NPAS2: variants seen among roughly 807,000 people sequenced by gnomAD.
NPAS2 encodes neuronal PAS domain-containing protein 2.
A neutral mutation model predicts 107.5 loss-of-function variants in NPAS2; 23 were observed. The ratio of observed to expected loss-of-function variants is 0.21; its 90% CI spans 0.15 to 0.30. The LOEUF is 0.30. Among genes scored for constraint, NPAS2 ranks in the 10% least tolerant of loss-of-function variants. NPAS2 has a pLI of 1.00. For missense variants in NPAS2, 756 were observed against 1,043.3 expected, an observed-to-expected ratio of 0.72 and a Z score of 3.79; for synonymous variants, 403 against 417.5, an observed-to-expected ratio of 0.97 and a Z score of 0.42.
chr2:100,910,676 C>A (rs1246208568), intron 2 of NPAS2, among the ~76,000 whole-genome samples: 2 of 152,028 alleles, frequency 1.3e-5, no homozygotes, highest in African/African-American at 4.8e-5. Context: ...TTACAGGCGT[C>A]CACCACCATG....
intron 5 of NPAS2, among the ~76,000 whole-genome samples, chr2:100,944,913 C>T (rs1000380910): frequency 2.6e-5 from 4 of 152,162 alleles, no homozygotes; most frequent in African/African-American, 9.7e-5. Flanking sequence ...CCACACCCAC[C>T]GTCAGGGGAA....
chr2:100,952,229 T>A (rs1295953289), intron 7 of NPAS2, among the ~76,000 whole-genome samples: 1 of 151,348 alleles, frequency 6.6e-6, no homozygotes, highest in African/African-American at 2.4e-5. Flanking sequence ...AGTGGCCTCG[T>A]GCACAGAGGG....
intron 1 of NPAS2, among the ~76,000 whole-genome samples, chr2:100,897,528 G>A (rs973518014): frequency 3.9e-4 from 59 of 152,180 alleles, no homozygotes; most frequent in East Asian, 1.4e-3. Flanking sequence ...AGCAATCACC[G>A]GGCTGGCCTC....
rs139016370 is a variant in NPAS2, at chr2:100,822,962, G to C, written c.-23+2548G>C. Among the ~76,000 whole-genome samples the C allele has an allele frequency of 4.1e-3, 623 of 152,300 alleles. 8 individuals are homozygous for C. The highest frequency in any genetic ancestry group is 0.014 in the African/African-American group (588 of 41,572). On this transcript the variant is annotated intron_variant, in intron 1 of 20. Coordinates refer to ENST00000335681, the MANE Select transcript of NPAS2 (RefSeq NM_002518.4). The stretch of plus-strand genomic sequence containing the variant: ...GCATTATTTGCTTACAGAAGTGTCT[G>C]ATTAGCATGTTCCTGATCCTCGTTC...
chr2:100,891,091 G>A (rs1323529667), intron 1 of NPAS2, among the ~76,000 whole-genome samples: 1 of 152,138 alleles, frequency 6.6e-6, no homozygotes, highest in African/African-American at 2.4e-5. Flanking sequence ...AATTAGCCGG[G>A]CGTGGTGGCA....
chr2:100,885,317 A>C (rs957886020), intron 1 of NPAS2, among the ~76,000 whole-genome samples: 1 of 152,252 alleles, frequency 6.6e-6, no homozygotes, highest in African/African-American at 2.4e-5. Context: ...TCCAGAAAAC[A>C]GAAAAATTTT....
intron 1 of NPAS2, among the ~76,000 whole-genome samples, chr2:100,840,786 C>T (rs1193038785): frequency 2.6e-5 from 4 of 151,804 alleles, no homozygotes; most frequent in South Asian, 2.1e-4. Flanking sequence ...GTCACATGTG[C>T]GAAGGGAAAG....
chr2:100,963,297 G>A (rs1401515376), intron 7 of NPAS2, among the ~76,000 whole-genome samples: 2 of 152,256 alleles, frequency 1.3e-5, no homozygotes, highest in East Asian at 1.9e-4. Flanking sequence ...GGGACCATCA[G>A]TATCAGGAAC....
chr2:100,825,659 C>T (rs1186473098), intron 1 of NPAS2, among the ~76,000 whole-genome samples: 1 of 152,210 alleles, frequency 6.6e-6, no homozygotes, highest in Non-Finnish European at 1.5e-5. Context: ...CTGCCCTTGC[C>T]AGTGACTGGC....
intron 1 of NPAS2, among the ~76,000 whole-genome samples, chr2:100,850,700 C>G (rs1440303840): frequency 6.6e-6 from 1 of 151,990 alleles, no homozygotes; most frequent in South Asian, 2.1e-4. Flanking sequence ...TGCCTGTAAT[C>G]CCAGCACTTT....
chr2:100,920,930 G>A (rs1170260366), intron 2 of NPAS2, among the ~76,000 whole-genome samples: 3 of 152,252 alleles, frequency 2.0e-5, no homozygotes, highest in African/African-American at 4.8e-5. Flanking sequence ...AGCGAAGGTC[G>A]CAGTCTTCCC....
intron 4 of NPAS2, among the ~76,000 whole-genome samples, chr2:100,936,857 C>T (rs367957255): frequency 8.2e-4 from 125 of 151,830 alleles, no homozygotes; most frequent in African/African-American, 2.9e-3. Context: ...TGGCATGTGC[C>T]TGTAATCCCA....
At chr2:100,848,703 A>G (rs1001364019) in intron 1 of NPAS2, among the ~76,000 whole-genome samples, 1 of 152,258 alleles carries the variant, frequency 6.6e-6, no homozygotes, top group African/African-American at 2.4e-5. Flanking sequence ...CTGGAAATGC[A>G]TAAAGAGGAC....
chr2:100,916,476 G>C (rs1407092218), intron 2 of NPAS2, among the ~76,000 whole-genome samples: 1 of 152,112 alleles, frequency 6.6e-6, no homozygotes, highest in East Asian at 1.9e-4. Flanking sequence ...AAATGAAATA[G>C]ATTTCAGAGC....
chr2:100,937,287 A>C (rs912638193), intron 4 of NPAS2, among the ~76,000 whole-genome samples: 3 of 152,218 alleles, frequency 2.0e-5, no homozygotes, highest in African/African-American at 7.2e-5. Context: ...CTTGGCCAAC[A>C]GGCACACTTT....
chr2:100,947,624 G>A (rs1410581595), intron 5 of NPAS2, among the ~76,000 whole-genome samples: 1 of 152,002 alleles, frequency 6.6e-6, no homozygotes, highest in East Asian at 1.9e-4. Context: ...CAGTAACCAT[G>A]TGGCTAGTGG....
chr2:100,883,208 G>GA (rs1385814099), intron 1 of NPAS2, among the ~76,000 whole-genome samples: 2 of 152,182 alleles, frequency 1.3e-5, no homozygotes, highest in Admixed American at 6.5e-5. Flanking sequence ...GATTATCTTT[G>GA]AACTGACCCC....
At chr2:100,877,921 A>G (rs897509361) in intron 1 of NPAS2, 2 of 964,564 alleles carry the variant, frequency 2.1e-6, no homozygotes, top group African/African-American at 3.5e-5. Context: ...AAATGAAATT[A>G]TCAAACAGTA....
At chr2:100,874,718 G>A (rs1679845336) in intron 1 of NPAS2, among the ~76,000 whole-genome samples, 1 of 152,064 alleles carries the variant, frequency 6.6e-6, no homozygotes, top group African/African-American at 2.4e-5. Context: ...CTCCAGCCTG[G>A]GGGACAGGAG....
Sources: allele counts gnomAD v4.1 joint callset (sites outside exome capture counted in the v4.1 genomes callset), GRCh38; gene constraint gnomAD v4.1.1; transcripts MANE v1.5; gene names NCBI Gene and HGNC (gene_info 2026-07-23, HGNC 2026-07-21).